The following ANKUB1 variants were observed in gnomAD, a reference collection of about 807,000 sequenced individuals.
The protein encoded by ANKUB1 is protein ANKUB1.
A neutral mutation model predicts 49.3 loss-of-function variants in ANKUB1; 42 were observed. The ratio of observed to expected loss-of-function variants is 0.85; its 90% CI spans 0.67 to 1.10. ANKUB1 has a LOEUF of 1.10. Ranked by LOEUF, ANKUB1 falls within the 50% of genes least tolerant of loss-of-function variation. The pLI is 0.00. For synonymous variants in ANKUB1, 222 were observed against 231.0 expected (o/e 0.96, Z 0.35); for missense variants, 613 against 642.0 (o/e 0.95, Z 0.49).
rs1342152451 is a variant in ANKUB1 at position 149,767,697 on chromosome 3, C to G, written c.965G>C (p.Arg322Thr). Residue 322 changes from arginine (R) to threonine (T), a missense_variant, in exon 5 of 6, where the codon AGA (arginine) becomes ACA (threonine). Physicochemically the swap from Arg to Thr is moderately conservative, Grantham distance 71. Coordinates refer to ENST00000446160, the MANE Select transcript of ANKUB1 (RefSeq NM_001144960.3). ...IYIKIKQWILRAQSHSLHKSQ... is the reference protein window; with the variant it reads ...IYIKIKQWILTAQSHSLHKSQ... ...TTTATGAAGACTGTGACTCTGAGCT[C>G]TGAGGATCCATTGTTTTATTTTAAT... 3 of 1,551,664 alleles carry G rather than the reference C, an allele frequency of 1.9e-6. No individual in the cohort carries two copies. In the South Asian group the frequency reaches 3.6e-5, roughly 18 times the overall value.
In ANKUB1 at chr3:149,770,639, T is replaced by C; in HGVS notation, c.487A>G (p.Lys163Glu). 1.3e-6 allele frequency: 2 copies of C among 1,550,356 alleles called. No individual in the cohort carries two copies. Among genetic ancestry groups the C allele is most frequent in the Admixed American group, 2.0e-5 (1 of 50,720 alleles). Reference protein sequence around the residue: ...TLRLDVWDGWKEFLMGCLLGQ... With the variant: ...TLRLDVWDGWEEFLMGCLLGQ... ...AGGAGACAACCCATCAGAAATTCCT[T>C]CCATCCATCCCAGACATCCAAGCGA... The change falls in exon 4 of 6, where the codon AAG (lysine) becomes GAG (glutamate). Residue 163 changes from lysine (K) to glutamate (E), a missense_variant. By Grantham distance (56) the Lys-to-Glu change is moderately conservative (BLOSUM62 1). Transcript: ENST00000446160.
At chr3:149,777,500 C>G (rs75253786) in intron 3 of ANKUB1, among the ~76,000 whole-genome samples, 2 of 151,450 alleles carry the variant, frequency 1.3e-5, no homozygotes, top group South Asian at 4.2e-4. Flanking sequence ...ACAACAACAA[C>G]AAAAAAACAC....
chr3:149,768,477 T>TA (rs1717169665), intron 4 of ANKUB1, among the ~76,000 whole-genome samples: 1 of 152,196 alleles, frequency 6.6e-6, no homozygotes, highest in Non-Finnish European at 1.5e-5. Flanking sequence ...ACACTAGAGT[T>TA]AAATTGTTAC....
At chr3:149,765,400 A>G (rs1716967862) in intron 5 of ANKUB1, among the ~76,000 whole-genome samples, 1 of 152,214 alleles carries the variant, frequency 6.6e-6, no homozygotes, top group East Asian at 1.9e-4. Flanking sequence ...GTATGAAAAC[A>G]TAAAAATTCA....
rs116950527 is a variant in ANKUB1, at chr3:149,790,583, C to T, written c.234+198G>A. ...AAGAGGAAGAAGAGTAAAGAGGGGG[C>T]AACTTTATCCCTTCTCCATGTCTTA... On this transcript the variant is annotated intron_variant, in intron 2 of 5. Transcript: ENST00000446160. 3.2e-3 allele frequency among the ~76,000 whole-genome samples: 491 copies of T among 152,258 alleles called. 27 individuals carry two copies. The East Asian group carries it at 0.09, about 28-fold the overall frequency.
At chr3:149,790,209 G>T (rs977191664) in intron 2 of ANKUB1, among the ~76,000 whole-genome samples, 1 of 151,980 alleles carries the variant, frequency 6.6e-6, no homozygotes, top group Admixed American at 6.6e-5. Context: ...CATTAATTTT[G>T]TTTATATTAC....
Position 149,780,320 on chromosome 3 carries a change from CG to C in ANKUB1, c.369del (p.Val124Ter). ...GGGGTTCGGAGACAGTAGACACTCA[CG>C]GGGAGGCCACATCTCAGAGTTACCA... ...RTLVTLRCGL[P>X]VSVYCLRTPR... On this transcript the variant is annotated frameshift_variant, in exon 3 of 6. Coordinates refer to ENST00000446160, the MANE Select transcript of ANKUB1 (RefSeq NM_001144960.3). LOFTEE classifies it high-confidence loss of function. The C allele has an allele frequency of 6.4e-7, 1 of 1,551,776 alleles. No homozygotes were observed. The highest frequency in any genetic ancestry group is 8.7e-7 in the Non-Finnish European group (1 of 1,147,012).
chr3:149,790,146 C>T (rs1718297274), intron 2 of ANKUB1, among the ~76,000 whole-genome samples: 1 of 152,060 alleles, frequency 6.6e-6, no homozygotes, highest in South Asian at 2.1e-4. Flanking sequence ...TCACCCGTTC[C>T]TTAAAAAAAT....
intron 5 of ANKUB1, among the ~76,000 whole-genome samples, chr3:149,764,845 C>A (rs190467767): frequency 3.4e-4 from 51 of 150,846 alleles, no homozygotes; most frequent in Admixed American, 2.0e-3. Context: ...AATTCCAATC[C>A]TTATGAAATG....
Position 149,767,918 on chromosome 3 carries a change from T to G in ANKUB1, c.744A>C (p.Ala248=). 6.4e-7 allele frequency: 1 copy of G among 1,550,434 alleles called. No homozygotes were observed. The highest frequency in any genetic ancestry group is 8.7e-7 in the Non-Finnish European group (1 of 1,145,872). ...TCAGAATCAACAGTTGGCCTGCTTCTGCGGCTGCATGAATGGGGCATTTAG... is the reference window on the plus strand; with the variant it reads ...TCAGAATCAACAGTTGGCCTGCTTCGGCGGCTGCATGAATGGGGCATTTAG... ...DVSKCPIHAA[A]EAGQLLILKA... is the part of the protein sequence containing the mutation. Residue 248 remains alanine (A), a synonymous_variant, in exon 5 of 6, where the codon GCA becomes GCC. Transcript: ENST00000446160.
chr3:149,788,451 C>T (rs1171292624), intron 2 of ANKUB1, among the ~76,000 whole-genome samples: 1 of 152,014 alleles, frequency 6.6e-6, no homozygotes, highest in East Asian at 1.9e-4. Context: ...GATCCTCCCG[C>T]CTCAGCCTCA....
chr3:149,783,435 T>C (rs1335585809), intron 2 of ANKUB1: 2 of 152,206 alleles, frequency 1.3e-5, no homozygotes, highest in Non-Finnish European at 2.9e-5. Context: ...CCAAGAGATA[T>C]ACACAAAGTA....
intron 2 of ANKUB1, among the ~76,000 whole-genome samples, chr3:149,787,191 C>A (rs1439213800): frequency 1.3e-5 from 2 of 152,132 alleles, no homozygotes; most frequent in Admixed American, 6.6e-5. Context: ...AATATTGATT[C>A]TTCCTATCCA....
At chr3:149,769,915 C>T (rs964785711) in intron 4 of ANKUB1, among the ~76,000 whole-genome samples, 3 of 152,082 alleles carry the variant, frequency 2.0e-5, no homozygotes, top group Non-Finnish European at 2.9e-5. Context: ...GACCTTTGAA[C>T]AACATGAGTT....
Position 149,766,421 on chromosome 3 carries a change from T to C in ANKUB1, c.1505+736A>G, listed in dbSNP as rs190336283. Among the ~76,000 whole-genome samples the C allele has an allele frequency of 6.9e-3, 1,052 of 152,334 alleles. 10 individuals are homozygous for C. The highest frequency in any genetic ancestry group is 0.024 in the African/African-American group (978 of 41,580). ...CTCCCTCCCATATTTCAGTTTTCTC[T>C]CTTTCCCCTCTAATTACAATTAATG... is the stretch of plus-strand genomic sequence containing the variant. On this transcript the variant is annotated intron_variant, in intron 5 of 5. Coordinates refer to ENST00000446160, the MANE Select transcript of ANKUB1 (RefSeq NM_001144960.3).
chr3:149,770,489 C>T (rs1717300523), intron 4 of ANKUB1, 71 bp downstream of exon 4: 2 of 1,162,476 alleles, frequency 1.7e-6, no homozygotes, highest in African/African-American at 3.1e-5. Context: ...GAATTGCAGG[C>T]TCAAGGTATG....
At chr3:149,790,362 A>C (rs1298416204) in intron 2 of ANKUB1, among the ~76,000 whole-genome samples, 2 of 152,192 alleles carry the variant, frequency 1.3e-5, no homozygotes, top group East Asian at 3.8e-4. Flanking sequence ...TGGATGTAGA[A>C]AATTCCCTTT....
chr3:149,787,518 G>A (rs1035259905), intron 2 of ANKUB1, among the ~76,000 whole-genome samples: 1 of 152,130 alleles, frequency 6.6e-6, no homozygotes, highest in African/African-American at 2.4e-5. Context: ...TCTGCAAACA[G>A]GGACAATTTG....
At chr3:149,771,672 T>C (rs1051789096) in intron 3 of ANKUB1, among the ~76,000 whole-genome samples, 2 of 152,174 alleles carry the variant, frequency 1.3e-5, no homozygotes, top group Non-Finnish European at 2.9e-5. Context: ...ATGCTCCCAT[T>C]AAGAAGAAAA....
Sources: gnomAD v4.1 joint callset for allele counts (sites outside exome capture counted in the v4.1 genomes callset) on GRCh38, gnomAD v4.1.1 for gene constraint, MANE v1.5 for transcripts, NCBI Gene and HGNC (gene_info 2026-07-23, HGNC 2026-07-21) for gene names.